HK2: variants seen among roughly 807,000 people sequenced by gnomAD.
HK2 encodes hexokinase 2, also known as hexokinase-2.
In HK2, 42 loss-of-function variants were observed where a neutral mutation model predicts 92.9. The ratio of observed to expected loss-of-function variants is 0.45; its 90% CI spans 0.35 to 0.58. The LOEUF (loss-of-function observed/expected upper bound fraction) is 0.58. Ranked by LOEUF, HK2 falls within the 20% of genes least tolerant of loss-of-function variation. The pLI is 0.00. For synonymous variants in HK2, 422 were observed against 468.0 expected, an observed-to-expected ratio of 0.90 and a Z score of 1.27; for missense variants, 978 against 1,245.1, an observed-to-expected ratio of 0.79 and a Z score of 3.23.
intron 1 of HK2, among the ~76,000 whole-genome samples, chr2:74,848,002 G>A (rs1024870361): frequency 1.3e-5 from 2 of 152,238 alleles, no homozygotes; most frequent in African/African-American, 4.8e-5. Flanking sequence ...GGGAGCTAAT[G>A]TAATGTTGTG....
intron 9 of HK2, among the ~76,000 whole-genome samples, chr2:74,879,949 C>T (rs1356267697): frequency 1.3e-5 from 2 of 152,220 alleles, no homozygotes; most frequent in Non-Finnish European, 2.9e-5. Context: ...CCATGTTGGG[C>T]AAGGGAGCAG....
At chr2:74,855,092 G>C (rs999420095) in intron 2 of HK2, among the ~76,000 whole-genome samples, 1 of 152,186 alleles carries the variant, frequency 6.6e-6, no homozygotes, top group Non-Finnish European at 1.5e-5. Flanking sequence ...CGCCTCCTGG[G>C]TTCAAGTGAT....
chr2:74,841,886 A>G (rs1688323231), intron 1 of HK2, among the ~76,000 whole-genome samples: 1 of 152,220 alleles, frequency 6.6e-6, no homozygotes, highest in African/African-American at 2.4e-5. Flanking sequence ...ATGGAAATTC[A>G]GAAGGCACTT....
intron 1 of HK2, among the ~76,000 whole-genome samples, chr2:74,845,116 C>T (rs753944963): frequency 4.6e-5 from 7 of 152,164 alleles, no homozygotes; most frequent in Admixed American, 3.3e-4. Context: ...CTCAGATTCA[C>T]ATTGATGTAT....
At chr2:74,862,589 CCTTAT>C (rs1423550197) in intron 2 of HK2, among the ~76,000 whole-genome samples, 3 of 152,186 alleles carry the variant, frequency 2.0e-5, no homozygotes, top group Non-Finnish European at 4.4e-5. Flanking sequence ...TGAAGGAAGC[CCTTAT>C]CTTGGTTGCT....
intron 11 of HK2, 95 bp from the exon 12 acceptor site, chr2:74,882,025 G>A: frequency 6.8e-7 from 1 of 1,461,776 alleles, no homozygotes; most frequent in Non-Finnish European, 9.6e-7. Flanking sequence ...ATTTCTTCTG[G>A]GTGGAAAGAA....
rs1467668482 is a variant in HK2, at chr2:74,891,053, G to C, written c.*112G>C. 7.7e-7 allele frequency: 1 copy of C among 1,303,502 alleles called. No individual in the cohort carries two copies. Among genetic ancestry groups the C allele is most frequent in the Admixed American group, 2.0e-5 (1 of 50,768 alleles). The allele number at this position is 1,303,502 out of a possible 1,614,324, so 80.7% of individuals were successfully genotyped here. A position where few individuals can be genotyped will look rare whatever the true frequency, so the allele number is the denominator to read the frequency against. ...GACCCCTTGGCTTTTGCTTGGCAGA[G>C]AGGACCCCACTGGACTGGGTTTTGT... On this transcript the variant is annotated 3_prime_UTR_variant, in exon 18 of 18. Transcript: ENST00000290573.
intron 7 of HK2, among the ~76,000 whole-genome samples, chr2:74,875,795 A>G (rs1178999383): frequency 2.0e-5 from 3 of 152,192 alleles, no homozygotes; most frequent in South Asian, 4.1e-4. Flanking sequence ...GCCTGCCTCC[A>G]TGAATGAGGC....
chr2:74,836,966 TGTC>T (rs1320062620), intron 1 of HK2, among the ~76,000 whole-genome samples: 1 of 152,210 alleles, frequency 6.6e-6, no homozygotes, highest in Non-Finnish European at 1.5e-5. Flanking sequence ...CGAGGTCACT[TGTC>T]GTCTCCTGAT....
Position 74,870,654 on chromosome 2 carries a change from G to A in HK2, c.376-1646G>A, listed in dbSNP as rs533393568. Among the ~76,000 whole-genome samples, 3 of 148,544 alleles carry A rather than the reference G, an allele frequency of 2.0e-5. No individual in the cohort carries two copies. In the East Asian group the frequency reaches 6.0e-4, roughly 30 times the overall value. The stretch of plus-strand genomic sequence containing the variant: ...GGTGCTGGGAATTTGTTTAATATAC[G>A]TATCATATAATTCATCTCTAGTCAC... On this transcript the variant is annotated intron_variant, in intron 3 of 17. Transcript: ENST00000290573.
At chr2:74,840,659 A>T (rs1038674069) in intron 1 of HK2, among the ~76,000 whole-genome samples, 2 of 149,672 alleles carry the variant, frequency 1.3e-5, no homozygotes, top group Admixed American at 1.3e-4. Flanking sequence ...CGAGGTCAGG[A>T]TATCAAGACC....
chr2:74,874,437 C>T lies in HK2; in HGVS notation c.863C>T (p.Pro288Leu), dbSNP rs1241420576. 15 of 1,604,664 alleles carry T rather than the reference C, an allele frequency of 9.3e-6. No individual in the cohort carries two copies. The highest frequency in any genetic ancestry group is 2.7e-5 in the African/African-American group (2 of 74,688). The change falls in exon 7 of 18, where the codon CCG (proline) becomes CTG (leucine). Residue 288 changes from proline (P) to leucine (L), a missense_variant. Transcript: ENST00000290573. ...GAGATTGACATGGGCTCACTGAACC[C>T]GGGAAAGCAACTGTGAGTAGGCCCT... ...DQEIDMGSLN[P>L]GKQLFEKMIS...
chr2:74,867,611 A>G (rs1175070294), intron 2 of HK2, 25 bp from the exon 3 acceptor site: 4 of 1,612,186 alleles, frequency 2.5e-6, no homozygotes, highest in East Asian at 2.2e-5. Flanking sequence ...CCCAAAATTA[A>G]TAGTGGCCCT....
chr2:74,836,052 A>G (rs917687531), intron 1 of HK2, among the ~76,000 whole-genome samples: 1 of 152,132 alleles, frequency 6.6e-6, no homozygotes, highest in Non-Finnish European at 1.5e-5. Flanking sequence ...TTATTCTCTA[A>G]TTCCTGGGAT....
intron 2 of HK2, among the ~76,000 whole-genome samples, chr2:74,859,839 A>G (rs555733818): frequency 6.6e-6 from 1 of 152,298 alleles, no homozygotes; most frequent in African/African-American, 2.4e-5. Flanking sequence ...ACCCAAAGGA[A>G]AAGAAATCAT....
At chr2:74,838,041 A>G (rs1295416761) in intron 1 of HK2, among the ~76,000 whole-genome samples, 1 of 151,972 alleles carries the variant, frequency 6.6e-6, no homozygotes, top group Non-Finnish European at 1.5e-5. Context: ...TCCAGCTCAA[A>G]TGCAGTTTAC....
At chr2:74,851,477 A>G (rs963145211) in intron 1 of HK2, among the ~76,000 whole-genome samples, 1 of 152,240 alleles carries the variant, frequency 6.6e-6, no homozygotes, top group Non-Finnish European at 1.5e-5. Context: ...TGGATTTCCA[A>G]CATGTCTTGA....
intron 1 of HK2, among the ~76,000 whole-genome samples, chr2:74,840,348 G>C (rs1393520515): frequency 1.3e-5 from 2 of 151,776 alleles, no homozygotes; most frequent in East Asian, 1.9e-4. Context: ...CTTTTCCAAG[G>C]GGGGAATCAG....
At position 74,892,750 on chromosome 2, in the gene HK2, A is replaced by C. The variant is rs969187501; in HGVS notation, c.*1809A>C. 1.3e-5 allele frequency: 2 copies of C among 152,228 alleles called. No homozygotes were observed. The highest frequency in any genetic ancestry group is 4.8e-5 in the African/African-American group (2 of 41,454). The allele number at this position is 152,228 out of a possible 1,614,324, so 9.4% of individuals were successfully genotyped here. ...GTGTCTGATTATACGACTTTTAAGCAAAGTTGGGTGTAATTAGGTGAAAAC... is the reference window on the plus strand; with the variant it reads ...GTGTCTGATTATACGACTTTTAAGCCAAGTTGGGTGTAATTAGGTGAAAAC... On this transcript the variant is annotated 3_prime_UTR_variant, in exon 18 of 18. Transcript: ENST00000290573.
Sources: allele counts gnomAD v4.1 joint callset (sites outside exome capture counted in the v4.1 genomes callset), GRCh38; gene constraint gnomAD v4.1.1; transcripts MANE v1.5; gene names NCBI Gene and HGNC (gene_info 2026-07-23, HGNC 2026-07-21).